The following AGBL4 variants were observed in gnomAD, a reference collection of about 807,000 sequenced individuals.
The protein encoded by AGBL4 is AGBL carboxypeptidase 4.
A neutral mutation model predicts 66.4 loss-of-function variants in AGBL4; 58 were observed. The observed-to-expected ratio is 0.87, with a 90% CI of 0.71 to 1.09. The LOEUF is 1.09. AGBL4 is among the 50% of genes least tolerant of loss of function. AGBL4 has a pLI of 0.00. For synonymous variants in AGBL4, 234 were observed against 222.9 expected (o/e 1.05, Z -0.44); for missense variants, 579 against 631.0 (o/e 0.92, Z 0.88).
chr1:49,422,309 G>A (rs1255030421), intron 3 of AGBL4, among the ~76,000 whole-genome samples: 1 of 152,128 alleles, frequency 6.6e-6, no homozygotes, highest in Non-Finnish European at 1.5e-5. Context: ...GCATCAAACT[G>A]CTTCTCTGCA....
chr1:48,959,892 G>C (rs557286043), intron 5 of AGBL4, among the ~76,000 whole-genome samples: 74 of 152,364 alleles, frequency 4.9e-4, no homozygotes, highest in Non-Finnish European at 2.9e-5. Context: ...GTAGGCCACA[G>C]TAAGAAGACT....
chr1:49,690,949 AAGTGGAAG>A (rs1390577239), intron 3 of AGBL4, among the ~76,000 whole-genome samples: 4 of 152,220 alleles, frequency 2.6e-5, no homozygotes, highest in African/African-American at 9.6e-5. Flanking sequence ...CAGAGGCAGT[AAGTGGAAG>A]AGCTAGGCCT....
chr1:48,589,681 A>C lies in AGBL4; in HGVS notation c.1104+1152T>G, dbSNP rs1644882419. Among the ~76,000 whole-genome samples the C allele has an allele frequency of 2.6e-5, 4 of 152,310 alleles. No individual in the cohort carries two copies. In the South Asian group the frequency reaches 8.3e-4, roughly 32 times the overall value. ...GTCTCTGGAGTTTGTTAAGGTCTTT[A>C]CTGCCTGCAAAGAACTTTTATATCA... On this transcript the variant is annotated intron_variant, in intron 10 of 13. Coordinates refer to ENST00000371839, the MANE Select transcript of AGBL4 (RefSeq NM_032785.4).
chr1:49,062,306 T>C (rs1296380963), intron 4 of AGBL4, among the ~76,000 whole-genome samples: 1 of 152,178 alleles, frequency 6.6e-6, no homozygotes, highest in Non-Finnish European at 1.5e-5. Context: ...TCCTTCCACC[T>C]AGATTAGCTA....
intron 8 of AGBL4, among the ~76,000 whole-genome samples, chr1:48,652,868 T>C (rs891660526): frequency 1.3e-5 from 2 of 152,192 alleles, no homozygotes; most frequent in African/African-American, 2.4e-5. Flanking sequence ...TGGGATTCTA[T>C]TCTCATTGAT....
intron 9 of AGBL4, among the ~76,000 whole-genome samples, chr1:48,593,004 A>G (rs779646344): frequency 5.3e-5 from 8 of 152,194 alleles, no homozygotes; most frequent in Non-Finnish European, 1.0e-4. Flanking sequence ...ACTTCACTTT[A>G]AAGAACCAGC....
intron 3 of AGBL4, among the ~76,000 whole-genome samples, chr1:49,405,900 C>G (rs1025093959): frequency 6.6e-6 from 1 of 152,186 alleles, no homozygotes; most frequent in Admixed American, 6.5e-5. Context: ...GTCATAATAT[C>G]TGCACATTTG....
chr1:50,002,971 TA>T (rs1660876060), intron 1 of AGBL4, among the ~76,000 whole-genome samples: 1 of 151,990 alleles, frequency 6.6e-6, no homozygotes, highest in South Asian at 2.1e-4. Flanking sequence ...TAATCAAAGT[TA>T]AAACAACAAA....
intron 1 of AGBL4, among the ~76,000 whole-genome samples, chr1:49,916,798 T>C (rs902044748): frequency 2.6e-5 from 4 of 151,962 alleles, no homozygotes; most frequent in Non-Finnish European, 5.9e-5. Flanking sequence ...TCACCAAAGT[T>C]GAAATGAAGG....
At chr1:49,750,040 T>C (rs1226466167) in intron 2 of AGBL4, among the ~76,000 whole-genome samples, 1 of 152,098 alleles carries the variant, frequency 6.6e-6, no homozygotes, top group African/African-American at 2.4e-5. Flanking sequence ...GGCAATTCAA[T>C]GAGAAAATAA....
At chr1:49,406,503 A>C (rs1224141560) in intron 3 of AGBL4, among the ~76,000 whole-genome samples, 3 of 152,198 alleles carry the variant, frequency 2.0e-5, no homozygotes, top group African/African-American at 7.2e-5. Context: ...ATTACCAAGC[A>C]AAGGGTACAT....
chr1:49,322,381 G>A (rs1294485018), intron 3 of AGBL4, among the ~76,000 whole-genome samples: 4 of 152,160 alleles, frequency 2.6e-5, no homozygotes, highest in Admixed American at 2.6e-4. Flanking sequence ...GATAAGAAAT[G>A]AGACTCTTTT....
At chr1:48,621,404 T>G (rs1309327656) in intron 9 of AGBL4, among the ~76,000 whole-genome samples, 1 of 152,182 alleles carries the variant, frequency 6.6e-6, no homozygotes. Flanking sequence ...TTGTTCTGTT[T>G]TATAAAATAA....
chr1:49,690,983 C>T (rs538944066), intron 3 of AGBL4, among the ~76,000 whole-genome samples: 9 of 151,986 alleles, frequency 5.9e-5, no homozygotes, highest in South Asian at 4.2e-4. Flanking sequence ...GTATGTCTAA[C>T]GAAAAGTCTG....
intron 5 of AGBL4, among the ~76,000 whole-genome samples, chr1:49,001,902 C>A (rs1661419946): frequency 6.6e-6 from 1 of 152,166 alleles, no homozygotes; most frequent in Non-Finnish European, 1.5e-5. Context: ...GCCATTGGAA[C>A]CTGAGGCAAA....
chr1:49,527,685 C>A (rs1325694790), intron 3 of AGBL4: 1 of 152,146 alleles, frequency 6.6e-6, no homozygotes, highest in African/African-American at 2.4e-5. Context: ...ATCAAGCCAT[C>A]CCTTTGGGGA....
chr1:49,204,349 C>A (rs1647962841), intron 4 of AGBL4, among the ~76,000 whole-genome samples: 1 of 152,014 alleles, frequency 6.6e-6, no homozygotes, highest in Non-Finnish European at 1.5e-5. Context: ...CGGCTCACTG[C>A]AGCCTTGAAT....
rs544188074 is a variant in AGBL4, at chr1:48,591,070, C to T, written c.952-85G>A. 7.5e-5 allele frequency: 86 copies of T among 1,146,660 alleles called. No homozygotes were observed. The African/African-American group carries it at 1.2e-3, about 16-fold the overall frequency. The allele number at this position is 1,146,660 out of a possible 1,614,324, so 71.0% of individuals were successfully genotyped here. On this transcript the variant is annotated intron_variant, in intron 9 of 13. Coordinates refer to ENST00000371839, the MANE Select transcript of AGBL4 (RefSeq NM_032785.4). Reference sequence around the variant, plus strand: ...CCAGACACTACACTACACACACACACCCCCCACACACACCCACCCACCCCC... The same window carrying T: ...CCAGACACTACACTACACACACACATCCCCCACACACACCCACCCACCCCC...
intron 6 of AGBL4, among the ~76,000 whole-genome samples, chr1:48,795,538 A>G (rs1214044878): frequency 1.3e-5 from 2 of 152,222 alleles, no homozygotes; most frequent in Admixed American, 6.5e-5. Context: ...AACATCTTGC[A>G]TACTAGAGTA....
Sources: gnomAD v4.1 joint callset for allele counts (sites outside exome capture counted in the v4.1 genomes callset) on GRCh38, gnomAD v4.1.1 for gene constraint, MANE v1.5 for transcripts, NCBI Gene and HGNC (gene_info 2026-07-23, HGNC 2026-07-21) for gene names.